PAWR: variants seen among roughly 807,000 people sequenced by gnomAD.
PAWR encodes pro-apoptotic WT1 regulator.
In PAWR, 23 loss-of-function variants were observed where a neutral mutation model predicts 32.0. That is an observed-to-expected ratio of 0.72 (90% CI 0.52 to 1.02). The LOEUF (loss-of-function observed/expected upper bound fraction) is 1.02, where lower values mean the gene tolerates loss of function less well. PAWR is among the 50% of genes least tolerant of loss of function. PAWR has a pLI of 0.00. For missense variants in PAWR, 457 were observed against 437.7 expected, an observed-to-expected ratio of 1.04 and a Z score of -0.39; for synonymous variants, 226 against 187.1, an observed-to-expected ratio of 1.21 and a Z score of -1.70.
rs528797615 is a variant in PAWR, at chr12:79,597,271, C to T, written c.684-613G>A. The stretch of plus-strand genomic sequence containing the variant: ...TCAGAGACGGGGTTTCACCATGTTG[C>T]CCAGGCTGGTCTCAAACTCTTGGGC... On this transcript the variant is annotated intron_variant, in intron 4 of 6. Transcript: ENST00000328827. Among the ~76,000 whole-genome samples the T allele has an allele frequency of 3.6e-3, 541 of 152,058 alleles. 8 individuals are homozygous for T. The highest frequency in any genetic ancestry group is 1.6e-3 in the Non-Finnish European group (112 of 67,974).
intron 2 of PAWR, among the ~76,000 whole-genome samples, chr12:79,657,064 G>C (rs534320449): frequency 6.6e-6 from 1 of 152,280 alleles, no homozygotes; most frequent in South Asian, 2.1e-4. Context: ...GCTGGGGAGA[G>C]TCATCCGAAA....
chr12:79,676,108 C>T (rs768575340), intron 2 of PAWR, among the ~76,000 whole-genome samples: 1 of 151,582 alleles, frequency 6.6e-6, no homozygotes, highest in Non-Finnish European at 1.5e-5. Flanking sequence ...CTTCTCAATG[C>T]TTTGCTTTCC....
intron 4 of PAWR, among the ~76,000 whole-genome samples, chr12:79,598,213 C>A (rs1873833895): frequency 6.6e-6 from 1 of 152,190 alleles, no homozygotes; most frequent in Non-Finnish European, 1.5e-5. Context: ...GTGCAAACAT[C>A]AGGAGGTAGG....
At chr12:79,621,937 A>G (rs1875039245) in intron 2 of PAWR, among the ~76,000 whole-genome samples, 1 of 152,150 alleles carries the variant, frequency 6.6e-6, no homozygotes, top group Admixed American at 6.5e-5. Context: ...GTTCCTTGCA[A>G]CTGAATACAT....
rs143079918 is a variant in PAWR at position 79,674,505 on chromosome 12, T to A, written c.516+15224A>T. On this transcript the variant is annotated intron_variant, in intron 2 of 6. Coordinates refer to ENST00000328827, the MANE Select transcript of PAWR (RefSeq NM_002583.4). ...CTGAACATCAGCCTTGGCAAAGATT[T>A]CATGATGAAGACTCCAAAAGCAATT... 4.0e-3 allele frequency among the ~76,000 whole-genome samples: 608 copies of A among 152,202 alleles called. 5 individuals are homozygous for A. The highest frequency in any genetic ancestry group is 0.014 in the African/African-American group (586 of 41,552).
chr12:79,645,531 C>T (rs1876534335), intron 2 of PAWR, among the ~76,000 whole-genome samples: 1 of 152,134 alleles, frequency 6.6e-6, no homozygotes, highest in Non-Finnish European at 1.5e-5. Flanking sequence ...TATCTGAGGG[C>T]TAATTAACTG....
chr12:79,678,400 T>C (rs1398151245), intron 2 of PAWR, among the ~76,000 whole-genome samples: 1 of 152,248 alleles, frequency 6.6e-6, no homozygotes, highest in Non-Finnish European at 1.5e-5. Flanking sequence ...CTCCCCATCA[T>C]GAATTTTCTG....
chr12:79,678,090 A>G (rs1266264402), intron 2 of PAWR, among the ~76,000 whole-genome samples: 1 of 152,192 alleles, frequency 6.6e-6, no homozygotes, highest in Non-Finnish European at 1.5e-5. Context: ...TTTCTTTTTA[A>G]TGCATATGGA....
chr12:79,628,641 A>G (rs1167145956), intron 2 of PAWR, among the ~76,000 whole-genome samples: 2 of 152,082 alleles, frequency 1.3e-5, no homozygotes, highest in Admixed American at 6.5e-5. Context: ...GTATAAAAAA[A>G]GGTTAAATGA....
chr12:79,674,125 G>A (rs1279055775), intron 2 of PAWR, among the ~76,000 whole-genome samples: 2 of 152,086 alleles, frequency 1.3e-5, no homozygotes, highest in Non-Finnish European at 2.9e-5. Context: ...GAACAAAGCT[G>A]GAGGCATCAC....
chr12:79,676,478 G>T (rs1010009279), intron 2 of PAWR, among the ~76,000 whole-genome samples: 2 of 152,074 alleles, frequency 1.3e-5, no homozygotes, highest in Non-Finnish European at 2.9e-5. Flanking sequence ...TGTATTCTCT[G>T]CTATAGTGTT....
intron 4 of PAWR, among the ~76,000 whole-genome samples, chr12:79,609,925 A>G (rs541818304): frequency 8.1e-4 from 123 of 152,334 alleles, no homozygotes; most frequent in South Asian, 1.9e-3. Context: ...CTTCAGGGGT[A>G]GTGGGCATCC....
At chr12:79,595,837 A>G (rs765349835) in intron 5 of PAWR, among the ~76,000 whole-genome samples, 1 of 152,190 alleles carries the variant, frequency 6.6e-6, no homozygotes, top group Non-Finnish European at 1.5e-5. Flanking sequence ...AGGCAACAAG[A>G]GCGAAACTCT....
At chr12:79,604,168 A>T in intron 4 of PAWR, 12 of 882,242 alleles carry the variant, frequency 1.4e-5, no homozygotes, top group Non-Finnish European at 1.6e-5. Context: ...AAGATTGTTC[A>T]TTAACTCCAA....
rs749586361 is a variant in PAWR, at chr12:79,592,680, A to G, written c.950T>C (p.Ile317Thr). 2.6e-6 allele frequency: 2 copies of G among 759,422 alleles called. No individual in the cohort carries two copies. Among genetic ancestry groups the G allele is most frequent in the Non-Finnish European group, 4.8e-6 (2 of 413,588 alleles). 47.0% of individuals were successfully genotyped at this position (759,422 alleles called of 1,614,324 possible). ...IDLLNRDLDD[I>T]EDENEQLKQE... ...CTTTAGCTGTTCATTTTCATCTTCT[A>G]TGTCATCTAGGTCCTTAAGAAAAAA... Residue 317 changes from isoleucine to threonine, a missense_variant, in exon 7 of 7, where the codon ATA becomes ACA. Physicochemically the swap from Ile to Thr is moderately conservative, Grantham distance 89. Coordinates refer to ENST00000328827, the MANE Select transcript of PAWR (RefSeq NM_002583.4).
chr12:79,667,199 A>T (rs551224077), intron 2 of PAWR, among the ~76,000 whole-genome samples: 3 of 152,316 alleles, frequency 2.0e-5, no homozygotes, highest in Non-Finnish European at 1.5e-5. Flanking sequence ...ATTGACTGAC[A>T]CCTGTCTCAG....
intron 2 of PAWR, among the ~76,000 whole-genome samples, chr12:79,630,414 C>G (rs1875559170): frequency 6.6e-6 from 1 of 152,026 alleles, no homozygotes; most frequent in African/African-American, 2.4e-5. Context: ...ATTCTCATGC[C>G]TCAGCCTCCC....
At chr12:79,680,705 G>A (rs1878399066) in intron 2 of PAWR, among the ~76,000 whole-genome samples, 1 of 152,018 alleles carries the variant, frequency 6.6e-6, no homozygotes, top group South Asian at 2.1e-4. Flanking sequence ...AAAGGTTATA[G>A]AGGTTTAAAA....
At chr12:79,657,420 T>A (rs547485468) in intron 2 of PAWR, among the ~76,000 whole-genome samples, 141 of 142,644 alleles carry the variant, frequency 9.9e-4, no homozygotes, top group African/African-American at 1.3e-3. Context: ...TCAATATATT[T>A]AAAAAAAAAA....
Sources: gnomAD v4.1 joint callset for allele counts (sites outside exome capture counted in the v4.1 genomes callset) on GRCh38, gnomAD v4.1.1 for gene constraint, MANE v1.5 for transcripts, NCBI Gene and HGNC (gene_info 2026-07-23, HGNC 2026-07-21) for gene names.